XRCC6: variants seen among roughly 807,000 people sequenced by gnomAD.
XRCC6 encodes DNA repair protein Ku70.
Under a neutral mutation model 65.7 loss-of-function variants are expected in XRCC6, and 5 were observed. That is an observed-to-expected ratio of 0.08 (90% CI 0.04 to 0.16). The LOEUF (loss-of-function observed/expected upper bound fraction) is 0.16. Ranked by LOEUF, XRCC6 falls within the 10% of genes least tolerant of loss-of-function variation. The pLI is 1.00. For synonymous variants in XRCC6, 270 were observed against 270.6 expected (o/e 1.00, Z 0.02); for missense variants, 447 against 738.1 (o/e 0.61, Z 4.57).
intron 12 of XRCC6, 91 bp downstream of exon 12, chr22:41,661,535 C>T (rs1243034908): frequency 4.7e-6 from 5 of 1,072,208 alleles, no homozygotes; most frequent in Non-Finnish European, 6.9e-6. Context: ...TCAGAAATAT[C>T]TATTCACAGT....
chr22:41,632,358 C>G (rs879426733), intron 3 of XRCC6, among the ~76,000 whole-genome samples: 4 of 152,214 alleles, frequency 2.6e-5, no homozygotes, highest in Non-Finnish European at 5.9e-5. Context: ...CGCCTGTAAT[C>G]CCAGCACTTT....
intron 3 of XRCC6, among the ~76,000 whole-genome samples, chr22:41,628,707 A>C (rs1004955808): frequency 3.3e-5 from 5 of 152,136 alleles, no homozygotes; most frequent in Admixed American, 1.3e-4. Flanking sequence ...GTGGTGGCTC[A>C]TGTCTATAAT....
At chr22:41,638,215 G>A (rs1237018760) in intron 6 of XRCC6, among the ~76,000 whole-genome samples, 1 of 151,978 alleles carries the variant, frequency 6.6e-6, no homozygotes, top group Non-Finnish European at 1.5e-5. Flanking sequence ...TGGTCTAAGA[G>A]TATCCTTAGC....
At chr22:41,627,543 G>T (rs914118766) in intron 2 of XRCC6, among the ~76,000 whole-genome samples, 1 of 150,820 alleles carries the variant, frequency 6.6e-6, no homozygotes, top group Non-Finnish European at 1.5e-5. Context: ...CCTGGGAGAC[G>T]GAGGTCGTAG....
chr22:41,639,446 A>AT (rs1601539856), intron 6 of XRCC6, among the ~76,000 whole-genome samples: 1 of 142,108 alleles, frequency 7.0e-6, no homozygotes, highest in Admixed American at 7.9e-5. Flanking sequence ...TGATCGCCCC[A>AT]TATCAGTGTT....
intron 2 of XRCC6, 147 bp downstream of exon 2, chr22:41,622,233 G>A: frequency 2.3e-6 from 2 of 888,288 alleles, no homozygotes; most frequent in Non-Finnish European, 3.4e-6. Context: ...GAACTTCGCA[G>A]AGCTACCCTA....
At chr22:41,642,619 G>A (rs145253549) in intron 6 of XRCC6, among the ~76,000 whole-genome samples, 3 of 152,254 alleles carry the variant, frequency 2.0e-5, no homozygotes, top group African/African-American at 7.2e-5. Flanking sequence ...AATGTCATTG[G>A]TATTTTGATA....
intron 6 of XRCC6, among the ~76,000 whole-genome samples, chr22:41,643,657 C>T (rs1326004860): frequency 1.3e-5 from 2 of 151,864 alleles, no homozygotes; most frequent in Non-Finnish European, 2.9e-5. Flanking sequence ...ACCGTCTCTA[C>T]TAAAAATACA....
chr22:41,635,975 C>A (rs2067805160), intron 3 of XRCC6, 138 bp from the exon 4 acceptor site: 1 of 652,400 alleles, frequency 1.5e-6, no homozygotes, highest in Non-Finnish European at 2.4e-6. Context: ...ATTCATTACC[C>A]CTGAAGGTAG....
At chr22:41,649,160 A>ATATATATATGTATGTATG (rs1376197191) in intron 7 of XRCC6, among the ~76,000 whole-genome samples, 1 of 125,874 alleles carries the variant, frequency 7.9e-6, no homozygotes, top group African/African-American at 3.6e-5. Context: ...ATATATATAT[A>ATATATATATGTATGTATG]TATGTATGTA....
chr22:41,639,966 GT>G (rs28384737), intron 6 of XRCC6, among the ~76,000 whole-genome samples: 5 of 151,240 alleles, frequency 3.3e-5, no homozygotes, highest in African/African-American at 9.7e-5. Flanking sequence ...CCTAGATTCT[GT>G]TTTTTTTAGA....
chr22:41,646,865 G>A, intron 6 of XRCC6, 31 bp from the exon 7 acceptor site: 1 of 1,561,704 alleles, frequency 6.4e-7, no homozygotes, highest in South Asian at 1.2e-5. Flanking sequence ...CAGTTTTTCA[G>A]TTCATGCTCT....
At chr22:41,637,078 A>ATT (rs35433922) in intron 5 of XRCC6, among the ~76,000 whole-genome samples, 160 of 88,654 alleles carry the variant, frequency 1.8e-3, no homozygotes, top group Middle Eastern at 6.2e-3. Context: ...GATTGTCTTG[A>ATT]TTTTTTTTTT....
At chr22:41,655,018 A>G (rs2068032017) in intron 9 of XRCC6, among the ~76,000 whole-genome samples, 1 of 152,214 alleles carries the variant, frequency 6.6e-6, no homozygotes, top group African/African-American at 2.4e-5. Flanking sequence ...CAGCATCTCC[A>G]CACTGTAAAT....
intron 11 of XRCC6, among the ~76,000 whole-genome samples, chr22:41,659,449 G>T (rs528635081): frequency 6.6e-6 from 1 of 151,752 alleles, no homozygotes; most frequent in Non-Finnish European, 1.5e-5. Context: ...CTTGTGATCC[G>T]CCCGCCTTGG....
chr22:41,645,670 TTA>T (rs981475021), intron 6 of XRCC6, among the ~76,000 whole-genome samples: 3 of 151,770 alleles, frequency 2.0e-5, no homozygotes, highest in African/African-American at 7.3e-5. Flanking sequence ...TAAGTAACCC[TTA>T]TTTTGATGGG....
chr22:41,657,694 AT>A (rs2068058416), intron 10 of XRCC6, among the ~76,000 whole-genome samples: 1 of 151,292 alleles, frequency 6.6e-6, no homozygotes, highest in Admixed American at 6.6e-5. Flanking sequence ...TAATTTTTGT[AT>A]TTTTTGTAGG....
chr22:41,661,214 C>T, intron 11 of XRCC6, 117 bp from the exon 12 acceptor site: 2 of 797,890 alleles, frequency 2.5e-6, no homozygotes, highest in South Asian at 1.8e-5. Context: ...TTCCCTAGAC[C>T]CCTCCCACCT....
At chr22:41,654,694 A>G (rs902157199) in intron 9 of XRCC6, among the ~76,000 whole-genome samples, 2 of 152,178 alleles carry the variant, frequency 1.3e-5, no homozygotes, top group South Asian at 2.1e-4. Flanking sequence ...GAGGGTAAGG[A>G]AAAAAGGGGC....
Sources: allele counts gnomAD v4.1 joint callset (sites outside exome capture counted in the v4.1 genomes callset), GRCh38; gene constraint gnomAD v4.1.1; transcripts MANE v1.5; gene names NCBI Gene and HGNC (gene_info 2026-07-23, HGNC 2026-07-21).